KCNMA1: variants seen among roughly 807,000 people sequenced by gnomAD.
The protein encoded by KCNMA1 is potassium calcium-activated channel subfamily M alpha 1.
Under a neutral mutation model 140.0 loss-of-function variants are expected in KCNMA1, and 29 were observed. That is an observed-to-expected ratio of 0.21 (90% confidence interval 0.15 to 0.28). KCNMA1 has a LOEUF of 0.28. Ranked by LOEUF, KCNMA1 falls within the 10% of genes least tolerant of loss-of-function variation. The probability of loss-of-function intolerance (pLI) is 1.00; values close to 1 mark genes in which losing one functional copy is unlikely to be tolerated. For synonymous variants in KCNMA1, 612 were observed against 611.9 expected (o/e 1.00, Z 0.00); for missense variants, 880 against 1,602.2 (o/e 0.55, Z 7.70).
intron 12 of KCNMA1, among the ~76,000 whole-genome samples, chr10:77,080,365 T>C (rs2096534314): frequency 6.6e-6 from 1 of 152,182 alleles, no homozygotes; most frequent in African/African-American, 2.4e-5. Context: ...AATAAAGCTG[T>C]TTCCTTCTGC....
intron 5 of KCNMA1, among the ~76,000 whole-genome samples, chr10:77,132,464 C>A (rs148963841): frequency 6.6e-6 from 1 of 151,238 alleles, no homozygotes; most frequent in Non-Finnish European, 1.5e-5. Flanking sequence ...TGTCCTAGAC[C>A]GAAAGAATGA....
chr10:76,955,980 G>T (rs942446577), intron 20 of KCNMA1, among the ~76,000 whole-genome samples: 1 of 152,142 alleles, frequency 6.6e-6, no homozygotes, highest in Non-Finnish European at 1.5e-5. Context: ...ACCTCAGGAT[G>T]ACCTGAGACC....
Position 76,982,099 on chromosome 10 carries a change from C to T in KCNMA1, c.2267-12032G>A, listed in dbSNP as rs560268101. 2.0e-5 allele frequency among the ~76,000 whole-genome samples: 3 copies of T among 152,222 alleles called. No homozygotes were observed. The South Asian group carries it at 6.2e-4, about 32-fold the overall frequency. Reference sequence around the variant, plus strand: ...TTTGTAATGACTCTGAGTTTAATGTCGGGCATACCTTTTTCTTGTTCTTTT... The same window carrying T: ...TTTGTAATGACTCTGAGTTTAATGTTGGGCATACCTTTTTCTTGTTCTTTT... On this transcript the variant is annotated intron_variant, in intron 19 of 27. Coordinates refer to ENST00000286628, the MANE Select transcript of KCNMA1 (RefSeq NM_001161352.2).
intron 2 of KCNMA1, among the ~76,000 whole-genome samples, chr10:77,385,022 C>G (rs994544416): frequency 6.6e-6 from 1 of 152,160 alleles, no homozygotes. Context: ...GTTTTCTCAC[C>G]TGTAACATGG....
Position 77,090,573 on chromosome 10 carries a change from C to G in KCNMA1, c.1224-63G>C. ...ACGACAGGACCCTGCATCCCACCCCCTGGCAAGACAGCAGAAGCCAGGCAG... is the reference window on the plus strand; with the variant it reads ...ACGACAGGACCCTGCATCCCACCCCGTGGCAAGACAGCAGAAGCCAGGCAG... On this transcript the variant is annotated intron_variant, in intron 9 of 27. Coordinates refer to ENST00000286628, the MANE Select transcript of KCNMA1 (RefSeq NM_001161352.2). The G allele has an allele frequency of 8.3e-6, 9 of 1,078,780 alleles. No homozygotes were observed. The South Asian group carries it at 1.1e-4, about 13-fold the overall frequency. The allele number at this position is 1,078,780 out of a possible 1,614,324, so 66.8% of individuals were successfully genotyped here. A position where few individuals can be genotyped will look rare whatever the true frequency, so the allele number is the denominator to read the frequency against.
intron 1 of KCNMA1, among the ~76,000 whole-genome samples, chr10:77,518,300 T>C (rs182299349): frequency 8.6e-4 from 131 of 152,314 alleles, no homozygotes; most frequent in African/African-American, 3.0e-3. Context: ...AAATATGAGG[T>C]CTCAAAGGAG....
intron 1 of KCNMA1, among the ~76,000 whole-genome samples, chr10:77,596,191 G>C (rs1438135684): frequency 6.6e-6 from 1 of 152,116 alleles, no homozygotes; most frequent in Non-Finnish European, 1.5e-5. Flanking sequence ...GCAAGATCTC[G>C]AATTGCCGAA....
intron 3 of KCNMA1, among the ~76,000 whole-genome samples, chr10:77,203,012 A>G (rs1206984433): frequency 6.6e-6 from 1 of 152,234 alleles, no homozygotes; most frequent in African/African-American, 2.4e-5. Context: ...AGCCAATTCA[A>G]TCCTTCCTGA....
At chr10:77,316,783 T>C (rs188689695) in intron 2 of KCNMA1, among the ~76,000 whole-genome samples, 1 of 152,230 alleles carries the variant, frequency 6.6e-6, no homozygotes, top group East Asian at 1.9e-4. Context: ...GTTATGAAGG[T>C]CAAAGGAGGA....
At chr10:76,948,154 G>A (rs1043164703) in intron 22 of KCNMA1, among the ~76,000 whole-genome samples, 8 of 151,964 alleles carry the variant, frequency 5.3e-5, no homozygotes, top group Non-Finnish European at 7.4e-5. Context: ...ACAAGCACAC[G>A]CCACCACATC....
At position 76,877,891 on chromosome 10, in the gene KCNMA1, C is replaced by T; in HGVS notation, c.3428-1G>A. The T allele has an allele frequency of 6.2e-7, 1 of 1,608,788 alleles. No homozygotes were observed. Among genetic ancestry groups the T allele is most frequent in the South Asian group, 1.1e-5 (1 of 89,596 alleles). On this transcript the variant is annotated splice_acceptor_variant, in intron 29 of 29. Coordinates refer to the KCNMA1 transcript ENST00000372403. LOFTEE classifies it high-confidence loss of function. Reference sequence around the variant, plus strand: ...GGTTCATCTGTAAACCATTTCTTTTCTGCTAAAGGGCAAAATGGATAGAGA... The same window carrying T: ...GGTTCATCTGTAAACCATTTCTTTTTTGCTAAAGGGCAAAATGGATAGAGA...
Position 77,134,997 on chromosome 10 carries a change from C to CAAAAAAAAAAAAAAAAAAAAAAAAAAAA in KCNMA1, c.809-13977_809-13950dup, listed in dbSNP as rs71028253. The stretch of plus-strand genomic sequence containing the variant: ...TGGGAGACAGAGCAAGACTCTGTCT[C>CAAAAAAAAAAAAAAAAAAAAAAAAAAAA]AAAAAAAAAAAAAAAAAAAAAAAAA... On this transcript the variant is annotated intron_variant, in intron 5 of 27. Coordinates refer to ENST00000286628, the MANE Select transcript of KCNMA1 (RefSeq NM_001161352.2). 3.4e-4 allele frequency among the ~76,000 whole-genome samples: 4 copies of CAAAAAAAAAAAAAAAAAAAAAAAAAAAA among 11,770 alleles called. 1 individual carries two copies. Among genetic ancestry groups the CAAAAAAAAAAAAAAAAAAAAAAAAAAAA allele is most frequent in the Admixed American group, 3.9e-3 (2 of 512 alleles). The allele number at this position is 11,770 out of a possible 152,430, so 7.7% of individuals were successfully genotyped here. A position where few individuals can be genotyped will look rare whatever the true frequency, so the allele number is the denominator to read the frequency against.
At chr10:77,157,914 T>C (rs564902656) in intron 5 of KCNMA1, among the ~76,000 whole-genome samples, 21 of 152,216 alleles carry the variant, frequency 1.4e-4, no homozygotes, top group African/African-American at 4.8e-4. Flanking sequence ...TCCTCCTCCT[T>C]AGCGATGGGC....
At chr10:76,913,494 G>A (rs1359927696) in intron 24 of KCNMA1, 3 of 152,396 alleles carry the variant, frequency 2.0e-5, no homozygotes, top group African/African-American at 4.8e-5. Context: ...GTTCTCCTAG[G>A]GACCAGGTGT....
At chr10:77,612,578 T>A (rs10509390) in intron 1 of KCNMA1, among the ~76,000 whole-genome samples, 1 of 152,212 alleles carries the variant, frequency 6.6e-6, no homozygotes, top group African/African-American at 2.4e-5. Context: ...CTCATAGGGC[T>A]CTTGCCTCCA....
chr10:77,368,301 T>C (rs1248420293), intron 2 of KCNMA1, among the ~76,000 whole-genome samples: 4 of 152,212 alleles, frequency 2.6e-5, no homozygotes, highest in East Asian at 3.8e-4. Context: ...AAGATGCTGA[T>C]GTTCTTTTTC....
chr10:77,453,159 T>C (rs539265634), intron 1 of KCNMA1, among the ~76,000 whole-genome samples: 58 of 152,210 alleles, frequency 3.8e-4, no homozygotes, highest in Admixed American at 1.0e-3. Flanking sequence ...CCTGTTTGCA[T>C]AGAGTCTAGC....
chr10:76,936,636 G>A (rs2060624979), intron 23 of KCNMA1, among the ~76,000 whole-genome samples: 1 of 152,170 alleles, frequency 6.6e-6, no homozygotes, highest in Non-Finnish European at 1.5e-5. Context: ...TGACTTCAAG[G>A]AGGGGAAATG....
chr10:77,001,246 C>T (rs550876560), intron 19 of KCNMA1, among the ~76,000 whole-genome samples, 161 bp downstream of exon 19: 1 of 152,178 alleles, frequency 6.6e-6, no homozygotes, highest in South Asian at 2.1e-4. Flanking sequence ...GGCACGTACA[C>T]AGAGACATAG....
Sources: allele counts gnomAD v4.1 joint callset (sites outside exome capture counted in the v4.1 genomes callset), GRCh38; gene constraint gnomAD v4.1.1; transcripts MANE v1.5; gene names NCBI Gene and HGNC (gene_info 2026-07-23, HGNC 2026-07-21).